Variants in FSHR observed in about 807,000 individuals in gnomAD.
The protein encoded by FSHR is follicle-stimulating hormone receptor.
Under a neutral mutation model 52.1 loss-of-function variants are expected in FSHR, and 46 were observed. That is an observed-to-expected ratio of 0.88 (90% CI 0.70 to 1.13). FSHR has a LOEUF of 1.13. FSHR is among the 50% of genes most tolerant of loss of function. FSHR has a pLI of 0.00. For synonymous variants in FSHR, 399 were observed against 309.6 expected, an observed-to-expected ratio of 1.29 and a Z score of -3.03; for missense variants, 964 against 834.6, an observed-to-expected ratio of 1.16 and a Z score of -1.91.
At chr2:49,098,657 A>G (rs1241261099) in intron 1 of FSHR, among the ~76,000 whole-genome samples, 2 of 150,828 alleles carry the variant, frequency 1.3e-5, no homozygotes, top group Non-Finnish European at 1.5e-5. Context: ...GAAAGAACAT[A>G]TTAAGAAAAG....
intron 2 of FSHR, among the ~76,000 whole-genome samples, chr2:49,056,226 A>G (rs1034302770): frequency 2.6e-5 from 4 of 151,882 alleles, no homozygotes; most frequent in Non-Finnish European, 4.4e-5. Flanking sequence ...ACCCAAATAT[A>G]TGCTGCCTAC....
At chr2:48,992,217 G>T (rs1675814944) in intron 4 of FSHR, among the ~76,000 whole-genome samples, 1 of 152,100 alleles carries the variant, frequency 6.6e-6, no homozygotes, top group Non-Finnish European at 1.5e-5. Flanking sequence ...ACTCTTTTCA[G>T]CATAGAGGTC....
intron 4 of FSHR, among the ~76,000 whole-genome samples, chr2:48,993,611 T>TA (rs1375455768): frequency 1.3e-5 from 2 of 152,198 alleles, no homozygotes; most frequent in Non-Finnish European, 2.9e-5. Flanking sequence ...GTAAATCAGA[T>TA]TGTTTTACTC....
chr2:48,982,815 A>G (rs998502606), intron 8 of FSHR, 97 bp downstream of exon 8: 1 of 1,058,570 alleles, frequency 9.4e-7, no homozygotes. Context: ...CTTGATGGCC[A>G]GCCCTGTGTT....
intron 1 of FSHR, among the ~76,000 whole-genome samples, chr2:49,119,439 G>C (rs1186171614): frequency 6.6e-6 from 1 of 151,738 alleles, no homozygotes; most frequent in Non-Finnish European, 1.5e-5. Context: ...TCTCTAGAAA[G>C]TTACATGCTG....
At chr2:49,056,827 A>G (rs1416074038) in intron 2 of FSHR, among the ~76,000 whole-genome samples, 1 of 152,172 alleles carries the variant, frequency 6.6e-6, no homozygotes, top group East Asian at 1.9e-4. Flanking sequence ...CTATAATACC[A>G]TAATGGAATA....
At chr2:49,048,470 C>A (rs896260557) in intron 2 of FSHR, among the ~76,000 whole-genome samples, 1 of 152,136 alleles carries the variant, frequency 6.6e-6, no homozygotes, top group African/African-American at 2.4e-5. Context: ...AGCGTGTAGT[C>A]AGTCAAGCTG....
chr2:49,093,745 C>T (rs186712363), intron 1 of FSHR, among the ~76,000 whole-genome samples: 20 of 152,074 alleles, frequency 1.3e-4, no homozygotes, highest in Admixed American at 7.9e-4. Flanking sequence ...CAGGCGTGCA[C>T]CACCACGCCT....
At chr2:49,001,661 G>A (rs552868460) in intron 4 of FSHR, among the ~76,000 whole-genome samples, 1 of 152,184 alleles carries the variant, frequency 6.6e-6, no homozygotes, top group South Asian at 2.1e-4. Context: ...CTATTTCTTA[G>A]GTACACTTCA....
At chr2:49,039,786 G>A (rs1306340302) in intron 2 of FSHR, among the ~76,000 whole-genome samples, 2 of 152,162 alleles carry the variant, frequency 1.3e-5, no homozygotes, top group Non-Finnish European at 2.9e-5. Flanking sequence ...GGTTATAAAA[G>A]AGCATGTGTA....
At chr2:49,094,733 T>G in intron 1 of FSHR, among the ~76,000 whole-genome samples, 1 of 151,824 alleles carries the variant, frequency 6.6e-6, no homozygotes, top group Non-Finnish European at 1.5e-5. Flanking sequence ...AAATCTCCAG[T>G]CAGTAACTTA....
intron 1 of FSHR, among the ~76,000 whole-genome samples, chr2:49,140,177 C>A (rs1371839882): frequency 6.6e-6 from 1 of 152,042 alleles, no homozygotes; most frequent in Non-Finnish European, 1.5e-5. Context: ...GGAGCTAGGG[C>A]CTGGTGGGAG....
At chr2:49,028,074 TG>T (rs1404414421) in intron 2 of FSHR, among the ~76,000 whole-genome samples, 1 of 152,094 alleles carries the variant, frequency 6.6e-6, no homozygotes. Flanking sequence ...TTGGGTTTCA[TG>T]TGACCTGACA....
intron 2 of FSHR, among the ~76,000 whole-genome samples, chr2:49,064,946 G>A (rs1237921467): frequency 1.3e-5 from 2 of 152,108 alleles, no homozygotes; most frequent in Non-Finnish European, 2.9e-5. Flanking sequence ...TAGACAGAGG[G>A]ACAGCATCTA....
chr2:49,132,968 T>TAAAAAAAAAAAAAAAAAAAAAAAA (rs34913428), intron 1 of FSHR, among the ~76,000 whole-genome samples: 1 of 48,650 alleles, frequency 2.1e-5, no homozygotes, highest in African/African-American at 8.5e-5. Context: ...TAAAACTCAG[T>TAAAAAAAAAAAAAAAAAAAAAAAA]AAAAAAAAAA....
intron 8 of FSHR, among the ~76,000 whole-genome samples, chr2:48,980,150 T>G (rs1187180258): frequency 1.3e-5 from 2 of 152,184 alleles, no homozygotes; most frequent in Admixed American, 6.5e-5. Context: ...GGTGAACAAT[T>G]CTTTTGGCCC....
intron 1 of FSHR, among the ~76,000 whole-genome samples, chr2:49,077,646 C>G (rs1471321132): frequency 6.6e-6 from 1 of 152,110 alleles, no homozygotes; most frequent in African/African-American, 2.4e-5. Context: ...ATTTTCTGAA[C>G]TTTTGGCTCT....
intron 8 of FSHR, among the ~76,000 whole-genome samples, chr2:48,977,232 G>A (rs567859577): frequency 9.2e-5 from 14 of 152,272 alleles, no homozygotes; most frequent in African/African-American, 3.4e-4. Flanking sequence ...TCATGGCACA[G>A]TGAGGGAGGG....
chr2:49,046,983 G>A lies in FSHR; in HGVS notation c.224+21236C>T, dbSNP rs532370561. ...CCTTGATAAATTTCTTGATGAATTA[G>A]CTGGTGTCATTCATCAGCCTGCACT... is the stretch of plus-strand genomic sequence containing the variant. On this transcript the variant is annotated intron_variant, in intron 2 of 9. Coordinates refer to ENST00000406846, the MANE Select transcript of FSHR (RefSeq NM_000145.4). Among the ~76,000 whole-genome samples, 12 of 151,862 alleles carry A rather than the reference G, an allele frequency of 7.9e-5. No individual in the cohort carries two copies. The South Asian group carries it at 1.7e-3, about 21-fold the overall frequency.
Sources: gnomAD v4.1 joint callset for allele counts (sites outside exome capture counted in the v4.1 genomes callset) on GRCh38, gnomAD v4.1.1 for gene constraint, MANE v1.5 for transcripts, NCBI Gene and HGNC (gene_info 2026-07-23, HGNC 2026-07-21) for gene names.